Variants in SIPA1L2 observed in about 807,000 individuals in gnomAD.
SIPA1L2 encodes the protein signal-induced proliferation-associated 1-like protein 2.
Under a neutral mutation model 163.9 loss-of-function variants are expected in SIPA1L2, and 56 were observed. That is an observed-to-expected ratio of 0.34 (90% CI 0.28 to 0.43). The LOEUF (loss-of-function observed/expected upper bound fraction) is 0.43, where lower values mean the gene tolerates loss of function less well. Among genes scored for constraint, SIPA1L2 ranks in the 20% least tolerant of loss-of-function variants. The probability of loss-of-function intolerance (pLI) is 1.00; values close to 1 mark genes in which losing one functional copy is unlikely to be tolerated. For missense variants in SIPA1L2, 1,974 were observed against 2,193.5 expected, an observed-to-expected ratio of 0.90 and a Z score of 2.00; for synonymous variants, 877 against 865.7, an observed-to-expected ratio of 1.01 and a Z score of -0.23.
chr1:232,476,864 T>C (rs963865677), intron 7 of SIPA1L2, among the ~76,000 whole-genome samples: 1 of 152,202 alleles, frequency 6.6e-6, no homozygotes, highest in Non-Finnish European at 1.5e-5. Context: ...ACCAGTTAAA[T>C]GGTCACCAAC....
chr1:232,432,623 G>A, intron 15 of SIPA1L2, 152 bp from the exon 16 acceptor site: 1 of 675,112 alleles, frequency 1.5e-6, no homozygotes, highest in Non-Finnish European at 2.5e-6. Flanking sequence ...TTCTACCATG[G>A]AGCTTGCTAG....
chr1:232,443,029 G>A (rs1378753228), intron 12 of SIPA1L2, among the ~76,000 whole-genome samples: 1 of 152,180 alleles, frequency 6.6e-6, no homozygotes, highest in Non-Finnish European at 1.5e-5. Flanking sequence ...GCAGCACCAA[G>A]TCACAGTGGC....
intron 10 of SIPA1L2, among the ~76,000 whole-genome samples, chr1:232,460,412 A>G (rs1364945764): frequency 6.6e-6 from 1 of 152,186 alleles, no homozygotes; most frequent in Non-Finnish European, 1.5e-5. Flanking sequence ...CACAGAGAGT[A>G]CCTGTGCTGT....
At chr1:232,618,134 A>T (rs1022185060) in intron 1 of SIPA1L2, among the ~76,000 whole-genome samples, 2 of 152,226 alleles carry the variant, frequency 1.3e-5, no homozygotes, top group Non-Finnish European at 2.9e-5. Flanking sequence ...GTATATGGTG[A>T]TTACACTGAG....
chr1:232,560,112 T>C (rs960776439), intron 2 of SIPA1L2, among the ~76,000 whole-genome samples: 2 of 152,234 alleles, frequency 1.3e-5, no homozygotes, highest in Non-Finnish European at 2.9e-5. Context: ...GAAATAGCCC[T>C]TGGCCAGTCC....
intron 3 of SIPA1L2, among the ~76,000 whole-genome samples, chr1:232,510,699 A>T (rs1264176331): frequency 5.3e-5 from 8 of 152,214 alleles, no homozygotes; most frequent in African/African-American, 1.9e-4. Flanking sequence ...AGTCAAGAAA[A>T]CTAACAGAAT....
Position 232,447,383 on chromosome 1 carries a change from T to C in SIPA1L2, c.3096-1597A>G, listed in dbSNP as rs1207266839. On this transcript the variant is annotated intron_variant, in intron 10 of 22. Coordinates refer to ENST00000674635, the MANE Select transcript of SIPA1L2 (RefSeq NM_020808.5). ...GCTGATCTGCTCCAGCCCCGCCTCCTGGCAATCGTATCTCCCAGTCTGACC... is the reference window on the plus strand; with the variant it reads ...GCTGATCTGCTCCAGCCCCGCCTCCCGGCAATCGTATCTCCCAGTCTGACC... 2.6e-5 allele frequency among the ~76,000 whole-genome samples: 4 copies of C among 152,240 alleles called. No individual in the cohort carries two copies. In the East Asian group the frequency reaches 7.7e-4, roughly 29 times the overall value.
chr1:232,628,438 T>C (rs1663195290), intron 1 of SIPA1L2, among the ~76,000 whole-genome samples: 2 of 152,242 alleles, frequency 1.3e-5, no homozygotes, highest in Non-Finnish European at 2.9e-5. Flanking sequence ...AATCAAGCGG[T>C]AAACATCTTT....
intron 10 of SIPA1L2, among the ~76,000 whole-genome samples, chr1:232,448,930 G>T (rs946067010): frequency 1.8e-4 from 27 of 152,116 alleles, no homozygotes; most frequent in Admixed American, 6.5e-5. Flanking sequence ...AGGTGCAGAG[G>T]AGAACAGGGA....
intron 5 of SIPA1L2, among the ~76,000 whole-genome samples, chr1:232,488,825 A>C (rs1665778437): frequency 6.6e-6 from 1 of 152,188 alleles, no homozygotes; most frequent in Non-Finnish European, 1.5e-5. Context: ...CTTGATTCAG[A>C]AGACAATAGG....
intron 9 of SIPA1L2, among the ~76,000 whole-genome samples, chr1:232,463,467 A>G (rs1253246942): frequency 2.0e-5 from 3 of 152,236 alleles, no homozygotes; most frequent in Non-Finnish European, 4.4e-5. Flanking sequence ...CATCCTAGAC[A>G]CAGAATATAA....
At chr1:232,427,491 G>A (rs1188249795) in intron 17 of SIPA1L2, among the ~76,000 whole-genome samples, 3 of 152,202 alleles carry the variant, frequency 2.0e-5, no homozygotes, top group East Asian at 1.9e-4. Context: ...ATGAACAAGA[G>A]GGAGTGCTGG....
At chr1:232,582,321 CTCTACTAG>C (rs1457943575) in intron 1 of SIPA1L2, among the ~76,000 whole-genome samples, 5 of 152,102 alleles carry the variant, frequency 3.3e-5, no homozygotes, top group African/African-American at 1.2e-4. Context: ...CCCTTCCTCC[CTCTACTAG>C]TCTGCAGTAT....
At chr1:232,489,054 G>A (rs1221392540) in intron 5 of SIPA1L2, among the ~76,000 whole-genome samples, 1 of 152,170 alleles carries the variant, frequency 6.6e-6, no homozygotes, top group Non-Finnish European at 1.5e-5. Context: ...GAGCCCTGAG[G>A]GCTTCTGGGG....
At chr1:232,444,406 C>T (rs570835250) in intron 11 of SIPA1L2, among the ~76,000 whole-genome samples, 3 of 152,224 alleles carry the variant, frequency 2.0e-5, no homozygotes, top group African/African-American at 7.2e-5. Context: ...TTTACCAGGG[C>T]TATCTATGTA....
At chr1:232,428,877 AAC>A (rs1662058967) in intron 16 of SIPA1L2, among the ~76,000 whole-genome samples, 1 of 152,190 alleles carries the variant, frequency 6.6e-6, no homozygotes, top group African/African-American at 2.4e-5. Context: ...TGTGTCAGAA[AAC>A]ACAGTTTCAA....
Position 232,398,505 on chromosome 1 carries a change from T to A in SIPA1L2, c.*622A>T, listed in dbSNP as rs1233859775. The A allele has an allele frequency of 6.6e-6, 1 of 152,414 alleles. No individual in the cohort carries two copies. The highest frequency in any genetic ancestry group is 1.9e-4 in the East Asian group (1 of 5,196). 9.4% of individuals were successfully genotyped at this position (152,414 alleles called of 1,614,324 possible). ...TTCAGGCACCATTTGTTCCTGCAAA[T>A]AAATAAGTCTCTAAGGTAACTGCAT... On this transcript the variant is annotated 3_prime_UTR_variant, in exon 23 of 23. Transcript: ENST00000674635.
chr1:232,564,070 C>T (rs1448952033), intron 2 of SIPA1L2, among the ~76,000 whole-genome samples: 3 of 122,962 alleles, frequency 2.4e-5, no homozygotes, highest in African/African-American at 1.1e-4. Context: ...TTCTTACAGG[C>T]ATCAGCCACT....
intron 10 of SIPA1L2, among the ~76,000 whole-genome samples, chr1:232,453,668 C>T (rs1208327232): frequency 6.6e-6 from 1 of 151,406 alleles, no homozygotes; most frequent in Non-Finnish European, 1.5e-5. Context: ...AAAGATGATA[C>T]AGCTAATCAG....
Sources: gnomAD v4.1 joint callset for allele counts (sites outside exome capture counted in the v4.1 genomes callset) on GRCh38, gnomAD v4.1.1 for gene constraint, MANE v1.5 for transcripts, NCBI Gene and HGNC (gene_info 2026-07-23, HGNC 2026-07-21) for gene names.